Variants in CNTN1 observed in about 807,000 individuals in gnomAD.
CNTN1 encodes contactin 1.
CNTN1 carries 38 observed loss-of-function variants against 126.4 expected under a neutral mutation model. The ratio of observed to expected loss-of-function variants is 0.30; its 90% CI spans 0.23 to 0.39. CNTN1 has a LOEUF of 0.39. Ranked by LOEUF, CNTN1 falls within the 10% of genes least tolerant of loss-of-function variation. The pLI, the probability that CNTN1 is intolerant of heterozygous loss-of-function variation, is 1.00. For missense variants in CNTN1, 1,009 were observed against 1,248.4 expected (o/e 0.81, Z 2.89); for synonymous variants, 413 against 422.6 (o/e 0.98, Z 0.28).
chr12:40,943,487 G>A, intron 12 of CNTN1, 110 bp from the exon 13 acceptor site: 1 of 818,258 alleles, frequency 1.2e-6, no homozygotes, highest in Non-Finnish European at 1.9e-6. Flanking sequence ...GTGGTCGCAT[G>A]ATTTATATAG....
chr12:40,887,418 C>T (rs972081306), intron 1 of CNTN1, among the ~76,000 whole-genome samples: 15 of 152,132 alleles, frequency 9.9e-5, no homozygotes, highest in Non-Finnish European at 1.6e-4. Flanking sequence ...AAAAAATGCT[C>T]GTCGTCACTG....
chr12:40,724,698 A>G (rs905838264), intron 1 of CNTN1, among the ~76,000 whole-genome samples: 1 of 152,234 alleles, frequency 6.6e-6, no homozygotes, highest in Non-Finnish European at 1.5e-5. Flanking sequence ...AAAATAAGAC[A>G]GTATAGATTT....
intron 1 of CNTN1, among the ~76,000 whole-genome samples, chr12:40,814,374 T>C (rs1275443095): frequency 6.6e-6 from 1 of 152,238 alleles, no homozygotes; most frequent in Non-Finnish European, 1.5e-5. Context: ...AATTTTTGTA[T>C]AAGACGTAAG....
chr12:40,812,943 AT>A (rs36133223), intron 1 of CNTN1, among the ~76,000 whole-genome samples: 66,523 of 131,388 alleles, frequency 0.51, 16,284 homozygotes, highest in East Asian at 0.73. Flanking sequence ...CAGTTTGTTA[AT>A]TTTTTTTTTT....
At chr12:40,917,011 G>A (rs1197355539) in intron 3 of CNTN1, among the ~76,000 whole-genome samples, 2 of 118,212 alleles carry the variant, frequency 1.7e-5, no homozygotes, top group African/African-American at 7.0e-5. Flanking sequence ...GAAACATTTT[G>A]GGTTAACTTT....
intron 1 of CNTN1, among the ~76,000 whole-genome samples, chr12:40,794,942 TAGGC>T (rs1392785105): frequency 6.6e-6 from 1 of 152,120 alleles, no homozygotes; most frequent in Non-Finnish European, 1.5e-5. Flanking sequence ...TCAATTTGGC[TAGGC>T]TATAGTACTT....
intron 15 of CNTN1, among the ~76,000 whole-genome samples, chr12:40,977,592 C>T (rs527847548): frequency 6.6e-6 from 1 of 152,158 alleles, no homozygotes; most frequent in South Asian, 2.1e-4. Flanking sequence ...CCTGGAATGA[C>T]TGACAAAGTA....
intron 23 of CNTN1, among the ~76,000 whole-genome samples, chr12:41,038,967 A>G (rs1267284050): frequency 6.6e-6 from 1 of 152,116 alleles, no homozygotes; most frequent in Admixed American, 6.6e-5. Context: ...TTCCCACCAG[A>G]ACAGTACGAA....
At chr12:40,745,312 G>A (rs1185224084) in intron 1 of CNTN1, among the ~76,000 whole-genome samples, 1 of 152,090 alleles carries the variant, frequency 6.6e-6, no homozygotes, top group Non-Finnish European at 1.5e-5. Context: ...CTGAGAACAT[G>A]TGCCCAAGGT....
rs1162619112 is a variant in CNTN1 at position 40,918,763 on chromosome 12, G to A, written c.219G>A (p.Pro73=). The part of the protein sequence containing the change: ...LNCRARASPF[P]VYKWRMNNGD... The stretch of plus-strand genomic sequence containing the variant: ...GTAGGGCACGAGCCAGCCCTTTCCC[G>A]GTTTACAAGTAATGTACCTCGCTTC... The change falls in exon 4 of 24, where the codon CCG becomes CCA. Residue 73 remains proline (P), a synonymous_variant. Transcript: ENST00000551295. 5.3e-5 allele frequency: 86 copies of A among 1,613,484 alleles called. No homozygotes were observed. Among genetic ancestry groups the A allele is most frequent in the Middle Eastern group, 1.7e-4 (1 of 6,058 alleles).
chr12:40,745,333 C>T (rs1938136866), intron 1 of CNTN1, among the ~76,000 whole-genome samples: 2 of 152,040 alleles, frequency 1.3e-5, no homozygotes. Flanking sequence ...GCTCGGCCCA[C>T]AGCTAAGTTT....
intron 1 of CNTN1, among the ~76,000 whole-genome samples, chr12:40,884,929 T>A (rs1943979517): frequency 6.6e-6 from 1 of 151,818 alleles, no homozygotes; most frequent in African/African-American, 2.4e-5. Context: ...GTGTATTTAT[T>A]TCCTTTTTAA....
intron 1 of CNTN1, among the ~76,000 whole-genome samples, chr12:40,888,843 G>A (rs1395447515): frequency 6.6e-6 from 1 of 152,184 alleles, no homozygotes; most frequent in East Asian, 1.9e-4. Flanking sequence ...GAGAGTTGCA[G>A]CAAAAGGAAG....
intron 1 of CNTN1, among the ~76,000 whole-genome samples, chr12:40,796,825 G>A (rs985095224): frequency 6.6e-6 from 1 of 152,086 alleles, no homozygotes; most frequent in Admixed American, 6.6e-5. Context: ...AGGACTGTGT[G>A]TGTCTAGGAT....
chr12:40,829,774 C>T (rs998585545), intron 1 of CNTN1, among the ~76,000 whole-genome samples: 5 of 152,108 alleles, frequency 3.3e-5, no homozygotes, highest in African/African-American at 1.2e-4. Context: ...TCTTAGAAGT[C>T]TCCTGATGCT....
intron 20 of CNTN1, among the ~76,000 whole-genome samples, chr12:41,023,852 T>G (rs1428021854): frequency 6.6e-6 from 1 of 152,176 alleles, no homozygotes; most frequent in East Asian, 1.9e-4. Flanking sequence ...GGAGAAAGGT[T>G]GTTTATTATT....
intron 1 of CNTN1, among the ~76,000 whole-genome samples, chr12:40,826,242 TA>T (rs540374205): frequency 5.3e-5 from 8 of 152,202 alleles, no homozygotes; most frequent in Non-Finnish European, 1.2e-4. Context: ...ATGATCTTTT[TA>T]TATGAAATTG....
chr12:40,879,021 G>A (rs1190933020), intron 1 of CNTN1, among the ~76,000 whole-genome samples: 1 of 152,014 alleles, frequency 6.6e-6, no homozygotes, highest in Non-Finnish European at 1.5e-5. Context: ...AAATCAACAC[G>A]ACTGAGGAGT....
intron 9 of CNTN1, among the ~76,000 whole-genome samples, chr12:40,934,773 T>A (rs924743469): frequency 7.9e-5 from 12 of 152,086 alleles, no homozygotes; most frequent in Non-Finnish European, 7.4e-5. Flanking sequence ...CACTCCAACA[T>A]GATTTGCATC....
Sources: gnomAD v4.1 joint callset for allele counts (sites outside exome capture counted in the v4.1 genomes callset) on GRCh38, gnomAD v4.1.1 for gene constraint, MANE v1.5 for transcripts, NCBI Gene and HGNC (gene_info 2026-07-23, HGNC 2026-07-21) for gene names.